The following DPP6 variants were observed in gnomAD, a reference collection of about 807,000 sequenced individuals.
DPP6 encodes the protein A-type potassium channel modulatory protein DPP6.
A neutral mutation model predicts 122.6 loss-of-function variants in DPP6; 69 were observed. The ratio of observed to expected loss-of-function variants is 0.56; its 90% CI spans 0.46 to 0.69. The LOEUF is 0.69. Among genes scored for constraint, DPP6 ranks in the 30% least tolerant of loss-of-function variants. The probability of loss-of-function intolerance (pLI) is 0.00; values close to 1 mark genes in which losing one functional copy is unlikely to be tolerated. For synonymous variants in DPP6, 418 were observed against 433.1 expected, an observed-to-expected ratio of 0.97 and a Z score of 0.43; for missense variants, 928 against 1,116.9, an observed-to-expected ratio of 0.83 and a Z score of 2.41.
chr7:154,268,609 C>T (rs1035086964), intron 1 of DPP6, among the ~76,000 whole-genome samples: 4 of 152,048 alleles, frequency 2.6e-5, no homozygotes, highest in African/African-American at 9.7e-5. Flanking sequence ...GCATTCAGAC[C>T]ACAGTGACAG....
intron 3 of DPP6, among the ~76,000 whole-genome samples, chr7:154,526,043 A>T (rs1827384107): frequency 6.6e-6 from 1 of 152,174 alleles, no homozygotes; most frequent in Non-Finnish European, 1.5e-5. Flanking sequence ...AGGCTTTGGC[A>T]TTTCCATGGC....
At position 154,058,710 on chromosome 7, in the gene DPP6, G is replaced by T. The variant is rs1361547993; in HGVS notation, c.243+5647G>T. On this transcript the variant is annotated intron_variant, in intron 1 of 25. Coordinates refer to ENST00000377770, the MANE Select transcript of DPP6 (RefSeq NM_130797.4). ...TCCAAGTAGAAAGTTCAAATCTTCC[G>T]ACGGCAGGTACCTTACGTGGGATTA... 6 of 150,190 alleles carry T rather than the reference G, an allele frequency of 4.0e-5. 1 individual carries two copies. The highest frequency in any genetic ancestry group is 3.5e-3 in the Middle Eastern group (1 of 282). 9.3% of individuals were successfully genotyped at this position (150,190 alleles called of 1,614,324 possible). A position where few individuals can be genotyped will look rare whatever the true frequency, so the allele number is the denominator to read the frequency against.
intron 19 of DPP6, 122 bp downstream of exon 19, chr7:154,872,815 A>T: frequency 1.3e-6 from 2 of 1,512,794 alleles, no homozygotes; most frequent in Non-Finnish European, 1.8e-6. Flanking sequence ...TTGCAAACTG[A>T]AAACATAACA....
intron 21 of DPP6, among the ~76,000 whole-genome samples, chr7:154,883,066 C>CA (rs1805540071): frequency 6.6e-6 from 1 of 151,316 alleles, no homozygotes; most frequent in Admixed American, 6.6e-5. Flanking sequence ...CACATTCACA[C>CA]ACATGCTCAC....
chr7:154,396,759 C>T (rs930478369), intron 1 of DPP6, among the ~76,000 whole-genome samples: 2 of 152,210 alleles, frequency 1.3e-5, no homozygotes, highest in African/African-American at 4.8e-5. Flanking sequence ...GCCTGGCCAA[C>T]ATGCCGAAAC....
intron 1 of DPP6, among the ~76,000 whole-genome samples, chr7:154,262,135 T>C (rs1191560153): frequency 1.3e-5 from 2 of 151,920 alleles, no homozygotes; most frequent in African/African-American, 4.8e-5. Context: ...AAAGTGAAAA[T>C]TGAGGATAAC....
At chr7:154,746,245 T>G (rs891318775) in intron 8 of DPP6, among the ~76,000 whole-genome samples, 1 of 152,124 alleles carries the variant, frequency 6.6e-6, no homozygotes. Flanking sequence ...ACAAAAAGAC[T>G]GTCTACTTAG....
the DPP6 span, among the ~76,000 whole-genome samples, chr7:153,877,181 CTTT>C: frequency 2.6e-5 from 4 of 152,018 alleles, no homozygotes; most frequent in Non-Finnish European, 5.9e-5. Flanking sequence ...CCTACTGTAA[CTTT>C]TTTACTTTCT....
intron 3 of DPP6, among the ~76,000 whole-genome samples, chr7:154,532,462 C>T (rs1253938355): frequency 2.6e-5 from 4 of 151,476 alleles, no homozygotes; most frequent in African/African-American, 9.7e-5. Flanking sequence ...AAAAGTGAAG[C>T]AAAAAGAAGG....
intron 1 of DPP6, among the ~76,000 whole-genome samples, chr7:153,966,210 A>G (rs1183126748): frequency 6.8e-6 from 1 of 148,042 alleles, no homozygotes; most frequent in Non-Finnish European, 1.5e-5. Flanking sequence ...TTAGATTGAA[A>G]AACACACATA....
intron 1 of DPP6, among the ~76,000 whole-genome samples, chr7:154,114,758 G>A (rs962551655): frequency 6.6e-6 from 1 of 152,250 alleles, no homozygotes; most frequent in East Asian, 1.9e-4. Flanking sequence ...TCCACTTTTG[G>A]AAGTGTTCCA....
intron 1 of DPP6, among the ~76,000 whole-genome samples, chr7:154,329,022 T>C (rs992258355): frequency 6.6e-6 from 1 of 152,234 alleles, no homozygotes; most frequent in Non-Finnish European, 1.5e-5. Context: ...TAACACTTAT[T>C]ACATTTTTTT....
chr7:154,556,885 G>A (rs1000682698), intron 4 of DPP6, among the ~76,000 whole-genome samples: 1 of 151,644 alleles, frequency 6.6e-6, no homozygotes, highest in Non-Finnish European at 1.5e-5. Context: ...GCTTTGTTTG[G>A]GAAATTGATA....
At chr7:154,865,756 ACACT>A (rs2150616455) in intron 17 of DPP6, among the ~76,000 whole-genome samples, 1 of 152,238 alleles carries the variant, frequency 6.6e-6, no homozygotes, top group Non-Finnish European at 1.5e-5. Flanking sequence ...GCTTCCTGAG[ACACT>A]CAGGAGGACC....
At chr7:154,267,113 T>G (rs1225436614) in intron 1 of DPP6, among the ~76,000 whole-genome samples, 1 of 152,034 alleles carries the variant, frequency 6.6e-6, no homozygotes, top group Non-Finnish European at 1.5e-5. Context: ...TTCTATTGTT[T>G]TCCTTCTTCT....
chr7:154,591,867 C>T (rs762534999), intron 5 of DPP6, among the ~76,000 whole-genome samples: 2 of 152,210 alleles, frequency 1.3e-5, no homozygotes, highest in Non-Finnish European at 2.9e-5. Flanking sequence ...CTAGACTGTG[C>T]GTCTGTGTTC....
At chr7:154,313,712 TATACACAC>T (rs1360208736) in intron 1 of DPP6, among the ~76,000 whole-genome samples, 2 of 24,914 alleles carry the variant, frequency 8.0e-5, no homozygotes, top group African/African-American at 2.1e-4. Context: ...TATATATATA[TATACACAC>T]ACACGCACGC....
chr7:153,896,930 A>G (rs2128996474), intron 1 of DPP6, among the ~76,000 whole-genome samples: 1 of 152,312 alleles, frequency 6.6e-6, no homozygotes, highest in South Asian at 2.1e-4. Context: ...ATCTTGAGCA[A>G]ACTTTTTATA....
chr7:154,860,704 G>A (rs886427596), intron 17 of DPP6, among the ~76,000 whole-genome samples: 6 of 152,212 alleles, frequency 3.9e-5, no homozygotes, highest in Admixed American at 2.0e-4. Flanking sequence ...GAACAGCCCC[G>A]CTGCCTCCTT....
Sources: allele counts gnomAD v4.1 joint callset (sites outside exome capture counted in the v4.1 genomes callset), GRCh38; gene constraint gnomAD v4.1.1; transcripts MANE v1.5; gene names NCBI Gene and HGNC (gene_info 2026-07-23, HGNC 2026-07-21).